The following PTPRH variants were observed in gnomAD, a reference collection of about 807,000 sequenced individuals.
PTPRH encodes the protein protein tyrosine phosphatase receptor type H.
In PTPRH, 113 loss-of-function variants were observed where a neutral mutation model predicts 130.2. The observed-to-expected ratio is 0.87, with a 90% confidence interval of 0.75 to 1.01. The LOEUF (loss-of-function observed/expected upper bound fraction) is 1.01, where lower values mean the gene tolerates loss of function less well. PTPRH is among the 50% of genes least tolerant of loss of function. The pLI is 0.00. For missense variants in PTPRH, 1,430 were observed against 1,425.0 expected (o/e 1.00, Z -0.06); for synonymous variants, 556 against 577.9 (o/e 0.96, Z 0.54).
At chr19:55,208,982 T>C (rs141822543) in intron 1 of PTPRH, among the ~76,000 whole-genome samples, 19 of 125,022 alleles carry the variant, frequency 1.5e-4, no homozygotes, top group Admixed American at 4.0e-4. Flanking sequence ...CCTGGACTCC[T>C]GGGTCTGAGG....
chr19:55,206,580 A>G, intron 3 of PTPRH, 109 bp downstream of exon 3: 1 of 1,173,382 alleles, frequency 8.5e-7, no homozygotes, highest in Non-Finnish European at 1.2e-6. Context: ...TGTGGCTTCC[A>G]CTGTGTTTCT....
chr19:55,199,808 GGAAA>G (rs199621856), intron 7 of PTPRH, among the ~76,000 whole-genome samples: 4,511 of 141,110 alleles, frequency 0.032, 204 homozygotes, highest in African/African-American at 0.1. Context: ...AAAGAAAGAA[GGAAA>G]GAAAGAGAAA....
chr19:55,198,831 G>T lies in PTPRH; in HGVS notation c.1502C>A (p.Pro501Gln). 8.1e-6 allele frequency: 13 copies of T among 1,603,444 alleles called. No individual in the cohort carries two copies. Among genetic ancestry groups the T allele is most frequent in the Non-Finnish European group, 1.0e-5 (12 of 1,174,042 alleles). Residue 501 changes from proline (P) to glutamine (Q), a missense_variant, in exon 8 of 20, where the codon CCA becomes CAA. By Grantham distance (76) the Pro-to-Gln change is moderately conservative. Coordinates refer to ENST00000376350, the MANE Select transcript of PTPRH (RefSeq NM_002842.5). Reference protein sequence around the residue: ...IALRWTAPQGPGQSSYSYWVS... With the variant: ...IALRWTAPQGQGQSSYSYWVS... ...CCAGTAGCTGTAGGAAGACTGGCCT[G>T]GGCCCTGGGGAGCTGTCCAGCGCAA...
At position 55,186,318 on chromosome 19, in the gene PTPRH, GGGACCCTGGGTT is replaced by G; in HGVS notation, c.2673_2684del (p.Thr892_Pro895del). On this transcript the variant is annotated inframe_deletion, in exon 16 of 20. Coordinates refer to ENST00000376350, the MANE Select transcript of PTPRH (RefSeq NM_002842.5). ...AGAAGTCACCCACTGTCTGTGGCAG[GGGACCCTGGGTT>G]GCAATGAACTCCTGGGGGCTCCAGA... 6.2e-7 allele frequency: 1 copy of G among 1,614,082 alleles called. No individual in the cohort carries two copies. Among genetic ancestry groups the G allele is most frequent in the South Asian group, 1.1e-5 (1 of 91,088 alleles).
At chr19:55,189,206 G>A (rs531541351) in intron 12 of PTPRH, among the ~76,000 whole-genome samples, 1 of 152,214 alleles carries the variant, frequency 6.6e-6, no homozygotes, top group African/African-American at 2.4e-5. Flanking sequence ...GGCTGGTCTC[G>A]AACTCCTGAC....
At chr19:55,199,264 G>A (rs553350085) in intron 7 of PTPRH, among the ~76,000 whole-genome samples, 1 of 152,296 alleles carries the variant, frequency 6.6e-6, no homozygotes, top group South Asian at 2.1e-4. Flanking sequence ...CTATGATTGT[G>A]CCTCTGCACT....
chr19:55,194,538 T>C lies in PTPRH; in HGVS notation c.2257+1984A>G, dbSNP rs969986350. On this transcript the variant is annotated intron_variant, in intron 10 of 19. Coordinates refer to ENST00000376350, the MANE Select transcript of PTPRH (RefSeq NM_002842.5). ...CTCTCTCCAGATTGGAGACCCAATC[T>C]CATAAGAAACCCTATTCCTAGGAAG... 2.0e-5 allele frequency among the ~76,000 whole-genome samples: 3 copies of C among 152,156 alleles called. No homozygotes were observed. In the East Asian group the frequency reaches 5.8e-4, roughly 29 times the overall value.
chr19:55,192,449 C>T (rs990706085), intron 10 of PTPRH, among the ~76,000 whole-genome samples: 4 of 151,970 alleles, frequency 2.6e-5, no homozygotes, highest in Non-Finnish European at 4.4e-5. Context: ...GTACATATTA[C>T]AGATGAAATG....
Position 55,203,801 on chromosome 19 carries a change from C to T in PTPRH, c.867G>A (p.Glu289=), listed in dbSNP as rs762308172. ...TCTTACCTGTGGCACTAGTGACAATCTCCACAGAGCTATTTACTCCGTCTT... is the reference window on the plus strand; with the variant it reads ...TCTTACCTGTGGCACTAGTGACAATTTCCACAGAGCTATTTACTCCGTCTT... ...VEKDGVNSSV[E]IVTSATAPNP... Residue 289 remains glutamate, a synonymous_variant, in exon 5 of 20, where the codon GAG becomes GAA. Transcript: ENST00000376350. The T allele has an allele frequency of 5.6e-6, 9 of 1,604,866 alleles. No homozygotes were observed. Among genetic ancestry groups the T allele is most frequent in the Non-Finnish European group, 6.8e-6 (8 of 1,172,426 alleles).
In PTPRH at chr19:55,201,639, C is replaced by A. The variant is rs573194407; in HGVS notation, c.1153+417G>T. 2.4e-4 allele frequency among the ~76,000 whole-genome samples: 36 copies of A among 152,280 alleles called. No individual in the cohort carries two copies. In the South Asian group the frequency reaches 5.2e-3, roughly 22 times the overall value. ...AGGTGTAGACACAGGGAGCTGTCCA[C>A]ATCAGGGTCATGGAGCTGATGATCT... On this transcript the variant is annotated intron_variant, in intron 6 of 19. Transcript: ENST00000376350.
Position 55,205,396 on chromosome 19 carries a change from C to G in PTPRH, c.549G>C (p.Leu183Phe). 6.2e-7 allele frequency: 1 copy of G among 1,614,216 alleles called. No individual in the cohort carries two copies. The highest frequency in any genetic ancestry group is 2.2e-5 in the East Asian group (1 of 44,888). Residue 183 changes from leucine to phenylalanine, a missense_variant, in exon 4 of 20, where the codon TTG becomes TTC. By Grantham distance (22) the Leu-to-Phe change is conservative. Transcript: ENST00000376350. Reference sequence around the variant, plus strand: ...TTCCCACCCACATGGAAAACGCATACAAACACCCGGGTTCAAGTCCATCCA... The same window carrying G: ...TTCCCACCCACATGGAAAACGCATAGAAACACCCGGGTTCAAGTCCATCCA... The part of the protein sequence containing the change: ...ITVDGLEPGC[L>F]YAFSMWVGKN...
rs143690391 is a variant in PTPRH at position 55,187,559 on chromosome 19, C to G, written c.2520G>C (p.Ser840=). ...GGTTCTTGGCGTTGTTCTCTGAAGC[C>G]GAAGCCACCATCTGAGACTGGCTGT... ...VGHSQSQMVA[S]ASENNAKNRY... Residue 840 remains serine (S), a synonymous_variant, in exon 14 of 20, where the codon TCG becomes TCC. Transcript: ENST00000376350. The G allele has an allele frequency of 1.5e-5, 24 of 1,613,174 alleles. No homozygotes were observed. The highest frequency in any genetic ancestry group is 2.7e-5 in the African/African-American group (2 of 74,728).
At chr19:55,189,558 G>A (rs1212850334) in intron 12 of PTPRH, among the ~76,000 whole-genome samples, 4 of 152,120 alleles carry the variant, frequency 2.6e-5, no homozygotes, top group Non-Finnish European at 4.4e-5. Flanking sequence ...GGCCCTCCAC[G>A]CGCCCATCCC....
chr19:55,196,589 G>A lies in PTPRH; in HGVS notation c.2190C>T (p.Thr730=). The part of the protein sequence containing the change: ...GLGPARSYPA[T]ITTIWDGMKV... ...TCATTCCGTCCCAGATGGTCGTGAT[G>A]GTGGCTGGGTAGGACCGAGCCGGCC... Residue 730 remains threonine, a synonymous_variant, in exon 10 of 20, where the codon ACC becomes ACT. Transcript: ENST00000376350. The A allele has an allele frequency of 1.9e-6, 3 of 1,613,896 alleles. No individual in the cohort carries two copies. Among genetic ancestry groups the A allele is most frequent in the South Asian group, 1.1e-5 (1 of 91,050 alleles).
Position 55,206,941 on chromosome 19 carries a change from T to C in PTPRH, c.100A>G (p.Arg34Gly), listed in dbSNP as rs1462355864. 1.3e-6 allele frequency: 2 copies of C among 1,598,682 alleles called. No homozygotes were observed. Among genetic ancestry groups the C allele is most frequent in the Non-Finnish European group, 1.7e-6 (2 of 1,170,168 alleles). The change falls in exon 3 of 20, where the codon AGG becomes GGG. Residue 34 changes from arginine (R) to glycine (G), a missense_variant. Physicochemically the swap from Arg to Gly is moderately radical, Grantham distance 125. Transcript: ENST00000376350. The part of the protein sequence containing the change: ...GARAPAPNPG[R>G]NLTVETQTTS... The stretch of plus-strand genomic sequence containing the variant: ...GTCTGAGTCTCCACTGTCAGGTTCC[T>C]CCCTGGGTTGGGGGCTGAGAATTGG...
intron 3 of PTPRH, among the ~76,000 whole-genome samples, 188 bp from the exon 4 acceptor site, chr19:55,205,780 C>G (rs1209854478): frequency 6.6e-5 from 10 of 151,972 alleles, no homozygotes; most frequent in Middle Eastern, 6.8e-3. Context: ...TGAGATGAGC[C>G]GTTAGTGGAA....
chr19:55,189,912 T>C (rs1600002463), intron 12 of PTPRH: 2 of 360,072 alleles, frequency 5.6e-6, no homozygotes, highest in East Asian at 1.6e-4. Flanking sequence ...GAGGGTCACT[T>C]GAGCCCAGGA....
At chr19:55,199,602 C>T (rs965227847) in intron 7 of PTPRH, among the ~76,000 whole-genome samples, 1 of 142,330 alleles carries the variant, frequency 7.0e-6, no homozygotes, top group Non-Finnish European at 1.5e-5. Flanking sequence ...AAAACTCTGT[C>T]TCAAGAAAGA....
chr19:55,206,255 G>GATGGACTAC, intron 3 of PTPRH, among the ~76,000 whole-genome samples: 1 of 151,472 alleles, frequency 6.6e-6, no homozygotes, highest in African/African-American at 2.4e-5. Context: ...AATTGTATCT[G>GATGGACTAC]ATGGACTACA....
Sources: gnomAD v4.1 joint callset for allele counts (sites outside exome capture counted in the v4.1 genomes callset) on GRCh38, gnomAD v4.1.1 for gene constraint, MANE v1.5 for transcripts, NCBI Gene and HGNC (gene_info 2026-07-23, HGNC 2026-07-21) for gene names.